Variants in BIRC7 observed in about 807,000 individuals in gnomAD.
The protein encoded by BIRC7 is baculoviral IAP repeat-containing protein 7.
A neutral mutation model predicts 33.2 loss-of-function variants in BIRC7; 26 were observed. The observed-to-expected ratio is 0.78, with a 90% confidence interval of 0.57 to 1.09. The LOEUF (loss-of-function observed/expected upper bound fraction) is 1.09, where lower values mean the gene tolerates loss of function less well. Ranked by LOEUF, BIRC7 falls within the 50% of genes least tolerant of loss-of-function variation. BIRC7 has a pLI of 0.00. For synonymous variants in BIRC7, 176 were observed against 171.0 expected, an observed-to-expected ratio of 1.03 and a Z score of -0.23; for missense variants, 409 against 401.2, an observed-to-expected ratio of 1.02 and a Z score of -0.17.
chr20:63,238,750 GGTTGGCTTCAGGGGGCTGTGCCATGT>G, intron 4 of BIRC7, 136 bp downstream of exon 4: 2 of 1,304,788 alleles, frequency 1.5e-6, no homozygotes, highest in Non-Finnish European at 2.1e-6. Context: ...CTGCTGCCTG[GGTTGGCTTCAGGGGGCTGTGCCATGT>G]GAGGGTGGGG....
Position 63,239,203 on chromosome 20 carries a change from G to A in BIRC7, c.619G>A (p.Glu207Lys). The A allele has an allele frequency of 6.2e-7, 1 of 1,612,820 alleles. No homozygotes were observed. Among genetic ancestry groups the A allele is most frequent in the East Asian group, 2.2e-5 (1 of 44,832 alleles). ...CCCTGAGCTGCCCACACCCAGGAGA[G>A]AGGTCCAGTCTGAAAGTGCCCAGGA... ...GYPELPTPRREVQSESAQEPG... is the reference protein window; with the variant it reads ...GYPELPTPRRKVQSESAQEPG... Residue 207 changes from glutamate to lysine, a missense_variant, in exon 5 of 7, where the codon GAG becomes AAG. By Grantham distance (56) the Glu-to-Lys change is moderately conservative. Coordinates refer to ENST00000217169, the MANE Select transcript of BIRC7 (RefSeq NM_139317.3).
chr20:63,236,528 G>T (rs1010193635), intron 1 of BIRC7, 83 bp downstream of exon 1: 1 of 1,448,842 alleles, frequency 6.9e-7, no homozygotes, highest in South Asian at 1.5e-5. Flanking sequence ...TGCCTCCTCC[G>T]TAGCATCCAT....
chr20:63,237,192 G>A (rs554482427), intron 1 of BIRC7, among the ~76,000 whole-genome samples: 1 of 152,206 alleles, frequency 6.6e-6, no homozygotes, highest in Admixed American at 6.5e-5. Flanking sequence ...TGGTCGGGGG[G>A]ACAGTGGCTG....
At chr20:63,237,816 T>A in intron 1 of BIRC7, 87 bp from the exon 2 acceptor site, 2 of 1,145,724 alleles carry the variant, frequency 1.7e-6, no homozygotes, top group Non-Finnish European at 2.4e-6. Flanking sequence ...CCCCTCCAGC[T>A]GAAGCTCTCA....
chr20:63,239,536 C>T lies in BIRC7; in HGVS notation c.828C>T (p.Ala276=). 1 of 1,604,368 alleles carries T rather than the reference C, an allele frequency of 6.2e-7. No individual in the cohort carries two copies. The highest frequency in any genetic ancestry group is 8.5e-7 in the Non-Finnish European group (1 of 1,179,728). ...GCCACCTGGTCTGTGCTGAGTGTGC[C>T]CCCGGCCTGCAGCTGTGCCCCATCT... is the stretch of plus-strand genomic sequence containing the variant. ...PCGHLVCAEC[A]PGLQLCPICR... The change falls in exon 6 of 7, where the codon GCC becomes GCT. Residue 276 remains alanine (A), a synonymous_variant. Coordinates refer to ENST00000217169, the MANE Select transcript of BIRC7 (RefSeq NM_139317.3).
rs757380953 is a variant in BIRC7, at chr20:63,239,244, G to C, written c.649+11G>C. 3.2e-6 allele frequency: 5 copies of C among 1,551,024 alleles called. No homozygotes were observed. Among genetic ancestry groups the C allele is most frequent in the Non-Finnish European group, 4.3e-6 (5 of 1,152,716 alleles). On this transcript the variant is annotated intron_variant, in intron 5 of 6. Transcript: ENST00000217169. Reference sequence around the variant, plus strand: ...GTGCCCAGGAGCCAGGTGCAGGCCCGGGACCCCCTGGGTGAGGGCTGGGGC... The same window carrying C: ...GTGCCCAGGAGCCAGGTGCAGGCCCCGGACCCCCTGGGTGAGGGCTGGGGC...
At chr20:63,236,512 G>C in intron 1 of BIRC7, 67 bp downstream of exon 1, 1 of 1,478,304 alleles carries the variant, frequency 6.8e-7, no homozygotes, top group Non-Finnish European at 8.9e-7. Context: ...TTCCAGCCCA[G>C]GGCTCTGCCT....
At position 63,237,939 on chromosome 20, in the gene BIRC7, G is replaced by GGGGC; in HGVS notation, c.387_390dup (p.Leu131GlyfsTer71). ...AAGGTGAGGTGCTTCTTCTGCTATG[G>GGGGC]GGGCCTGCAGAGCTGGAAGCGCGGG... On this transcript the variant is annotated frameshift_variant, in exon 2 of 7. Transcript: ENST00000217169. LOFTEE classifies it high-confidence loss of function. 6.2e-7 allele frequency: 1 copy of GGGGC among 1,608,120 alleles called. No individual in the cohort carries two copies. Among genetic ancestry groups the GGGGC allele is most frequent in the Non-Finnish European group, 8.5e-7 (1 of 1,178,294 alleles).
chr20:63,239,154 G>T lies in BIRC7; in HGVS notation c.578-8G>T, dbSNP rs1209651600. 6.2e-7 allele frequency: 1 copy of T among 1,612,138 alleles called. No individual in the cohort carries two copies. The highest frequency in any genetic ancestry group is 2.2e-5 in the East Asian group (1 of 44,850). ...GTTAGGCCTCAAGTCTATCCTAACT[G>T]TCCACAGTCCCTGCCTCTGGGTACC... On this transcript the variant is annotated splice_region_variant and splice_polypyrimidine_tract_variant and intron_variant, in intron 4 of 6. Transcript: ENST00000217169.
At chr20:63,238,152 C>A (rs2066703542) in intron 2 of BIRC7, 150 bp downstream of exon 2, 1 of 889,750 alleles carries the variant, frequency 1.1e-6, no homozygotes, top group South Asian at 1.7e-5. Flanking sequence ...TTCTGGCCGG[C>A]AGGTACCCAC....
In BIRC7 at chr20:63,239,341, C is replaced by T; in HGVS notation, c.650-17C>T. On this transcript the variant is annotated splice_polypyrimidine_tract_variant and intron_variant, in intron 5 of 6. Transcript: ENST00000217169. Reference sequence around the variant, plus strand: ...GGGGCCAGGGTGTGGGGACATTTCGCAGGCCTGTCCTCCTAGGAGGGGTCA... The same window carrying T: ...GGGGCCAGGGTGTGGGGACATTTCGTAGGCCTGTCCTCCTAGGAGGGGTCA... The T allele has an allele frequency of 2.5e-6, 4 of 1,602,348 alleles. No individual in the cohort carries two copies. Among genetic ancestry groups the T allele is most frequent in the Middle Eastern group, 1.7e-4 (1 of 6,048 alleles).
At chr20:63,238,323 C>A (rs774145246) in intron 2 of BIRC7, 73 bp from the exon 3 acceptor site, 1 of 1,573,970 alleles carries the variant, frequency 6.4e-7, no homozygotes, top group Non-Finnish European at 8.7e-7. Context: ...AACCCTGACC[C>A]CCGGGGATCC....
At chr20:63,238,363 GA>G in intron 2 of BIRC7, 32 bp from the exon 3 acceptor site, 10 of 1,610,224 alleles carry the variant, frequency 6.2e-6, no homozygotes, top group Non-Finnish European at 8.5e-6. Context: ...TGGGGGCCCT[GA>G]ACCCCAACCT....
rs374758660 is a variant in BIRC7 at position 63,238,687 on chromosome 20, C to A, written c.577+73C>A. 297 of 1,556,282 alleles carry A rather than the reference C, an allele frequency of 1.9e-4. 1 individual carries two copies. The African/African-American group carries it at 3.7e-3, about 19-fold the overall frequency. On this transcript the variant is annotated intron_variant, in intron 4 of 6. Transcript: ENST00000217169. Reference sequence around the variant, plus strand: ...GTGCTTGGCCAAGGCCACTGGGTGTCCCCACCCTCCCAGACAGCAGGGAGA... The same window carrying A: ...GTGCTTGGCCAAGGCCACTGGGTGTACCCACCCTCCCAGACAGCAGGGAGA...
intron 5 of BIRC7, 40 bp from the exon 6 acceptor site, chr20:63,239,318 G>A: frequency 6.2e-7 from 1 of 1,603,916 alleles, no homozygotes. Flanking sequence ...AGAGGGTGGG[G>A]GCCAGGGTGT....
intron 1 of BIRC7, 45 bp from the exon 2 acceptor site, chr20:63,237,858 G>A (rs771398413): frequency 3.0e-5 from 46 of 1,527,242 alleles, no homozygotes; most frequent in Admixed American, 4.4e-5. Context: ...GGGGCCCGGG[G>A]ACTGGGTGGG....
intron 6 of BIRC7, 51 bp downstream of exon 6, chr20:63,239,661 G>A: frequency 6.5e-7 from 1 of 1,538,670 alleles, no homozygotes; most frequent in Non-Finnish European, 8.7e-7. Flanking sequence ...AGGGGGCCCT[G>A]AGCCGGCTGT....
chr20:63,239,630 G>A lies in BIRC7; in HGVS notation c.*5+20G>A, dbSNP rs758391788. On this transcript the variant is annotated intron_variant, in intron 6 of 6. Coordinates refer to ENST00000217169, the MANE Select transcript of BIRC7 (RefSeq NM_139317.3). ...GGCCAGGTGAGCGCCCCAGCACCAC[G>A]CGCAGCCAGCCCTCCTGCGGAGGGG... 16 of 1,575,328 alleles carry A rather than the reference G, an allele frequency of 1.0e-5. No homozygotes were observed. Among genetic ancestry groups the A allele is most frequent in the South Asian group, 2.3e-5 (2 of 88,798 alleles).
At position 63,239,591 on chromosome 20, in the gene BIRC7, A is replaced by ACCTTCCTGTC. The variant is rs753592786; in HGVS notation, c.885_894dup (p.Ter299LeufsTer44). The ACCTTCCTGTC allele has an allele frequency of 1.3e-6, 2 of 1,597,086 alleles. No homozygotes were observed. The highest frequency in any genetic ancestry group is 2.7e-5 in the African/African-American group (2 of 74,760). ...AGCCCCCGTCCGCAGCCGCGTGCGC[A>ACCTTCCTGTC]CCTTCCTGTCCTAGGCCAGGTGAGC... On this transcript the variant is annotated frameshift_variant, in exon 6 of 7. Coordinates refer to ENST00000217169, the MANE Select transcript of BIRC7 (RefSeq NM_139317.3). LOFTEE classifies it low-confidence loss of function (END_TRUNC).
Sources: gnomAD v4.1 joint callset for allele counts (sites outside exome capture counted in the v4.1 genomes callset) on GRCh38, gnomAD v4.1.1 for gene constraint, MANE v1.5 for transcripts, NCBI Gene and HGNC (gene_info 2026-07-23, HGNC 2026-07-21) for gene names.